IFT74: variants seen among roughly 807,000 people sequenced by gnomAD.
The protein encoded by IFT74 is intraflagellar transport 74, also known as intraflagellar transport protein 74 homolog.
In IFT74, 92 loss-of-function variants were observed where a neutral mutation model predicts 96.7. That is an observed-to-expected ratio of 0.95 (90% CI 0.80 to 1.13). The LOEUF is 1.13. Ranked by LOEUF, IFT74 falls within the 50% of genes most tolerant of loss-of-function variation. The pLI is 0.00. For synonymous variants in IFT74, 223 were observed against 213.2 expected, an observed-to-expected ratio of 1.05 and a Z score of -0.40; for missense variants, 811 against 698.2, an observed-to-expected ratio of 1.16 and a Z score of -1.82.
chr9:26,951,926 CTT>C (rs1825948420), upstream of IFT74, among the ~76,000 whole-genome samples: 1 of 152,130 alleles, frequency 6.6e-6, no homozygotes, highest in Non-Finnish European at 1.5e-5. Context: ...TGAACTTCAT[CTT>C]TAAGGATGGT....
intron 9 of IFT74, among the ~76,000 whole-genome samples, chr9:27,009,935 A>G (rs949671919): frequency 1.8e-4 from 28 of 151,808 alleles, no homozygotes; most frequent in Admixed American, 6.6e-5. Flanking sequence ...GATATTCATC[A>G]CCTCAAACAT....
intron 2 of IFT74, among the ~76,000 whole-genome samples, chr9:26,973,404 AATGGGGTATTGCTTTCT>A (rs908581021): frequency 6.6e-6 from 1 of 152,126 alleles, no homozygotes; most frequent in African/African-American, 2.4e-5. Context: ...CTTCGAAGGG[AATGGGGTATTGCTTTCT>A]CCTTACTATG....
chr9:26,979,938 C>T (rs1205441810), intron 3 of IFT74, among the ~76,000 whole-genome samples: 1 of 151,984 alleles, frequency 6.6e-6, no homozygotes, highest in African/African-American at 2.4e-5. Flanking sequence ...TGGTCTTGAA[C>T]TTCTGACCTC....
intron 2 of IFT74, among the ~76,000 whole-genome samples, chr9:26,975,180 A>T (rs899945481): frequency 2.6e-5 from 4 of 152,118 alleles, no homozygotes; most frequent in African/African-American, 9.7e-5. Context: ...GAGCAGAGGA[A>T]GATGATCCAG....
At chr9:27,008,361 G>T (rs1404378105) in intron 8 of IFT74, among the ~76,000 whole-genome samples, 1 of 151,348 alleles carries the variant, frequency 6.6e-6, no homozygotes, top group African/African-American at 2.4e-5. Flanking sequence ...AAACTTATTT[G>T]TCTTTTTTTT....
chr9:27,007,256 C>T (rs1204233329), intron 8 of IFT74, among the ~76,000 whole-genome samples: 1 of 152,096 alleles, frequency 6.6e-6, no homozygotes, highest in Non-Finnish European at 1.5e-5. Context: ...TTTAGAAAGT[C>T]AGTTACTTTT....
At position 27,060,913 on chromosome 9, in the gene IFT74, G is replaced by C. The variant is rs907879078; in HGVS notation, c.1684+262G>C. On this transcript the variant is annotated intron_variant, in intron 19 of 19. Transcript: ENST00000380062. ...GGAGGTGGAGCTCTCAGTGAGCCGA[G>C]ATGGCACCACTGCACTCCAGCCTGG... 35 of 163,384 alleles carry C rather than the reference G, an allele frequency of 2.1e-4. No individual in the cohort carries two copies. The Admixed American group carries it at 3.0e-3, about 14-fold the overall frequency. The allele number at this position is 163,384 out of a possible 1,614,324, so 10.1% of individuals were successfully genotyped here.
intron 1 of IFT74, among the ~76,000 whole-genome samples, chr9:26,957,658 A>G (rs1482162572): frequency 1.3e-5 from 2 of 152,222 alleles, no homozygotes; most frequent in East Asian, 3.9e-4. Context: ...AGTTGGAGTT[A>G]TAAAGATGCA....
At chr9:26,951,554 G>A (rs994686661), upstream of IFT74, among the ~76,000 whole-genome samples, 1 of 152,130 alleles carries the variant, frequency 6.6e-6, no homozygotes, top group East Asian at 1.9e-4. Flanking sequence ...TCCCCCATAA[G>A]GGGAATGTTG....
rs889641926 is a variant in IFT74 at position 27,063,663 on chromosome 9, C to T, written c.*927C>T. Among the ~76,000 whole-genome samples the T allele has an allele frequency of 6.6e-6, 1 of 152,192 alleles. No homozygotes were observed. ...CTCTGATATCATGTTCACTAAGTAA[C>T]TCTACTTTTCAGTATTTCTGAAACA... is the stretch of plus-strand genomic sequence containing the variant. On this transcript the variant is annotated 3_prime_UTR_variant, in exon 20 of 20. Coordinates refer to ENST00000380062, the MANE Select transcript of IFT74 (RefSeq NM_025103.4).
At chr9:26,990,554 T>C (rs574832597) in intron 8 of IFT74, among the ~76,000 whole-genome samples, 17 of 152,322 alleles carry the variant, frequency 1.1e-4, no homozygotes, top group African/African-American at 3.8e-4. Flanking sequence ...AAAGACACAT[T>C]ATTCATTAGG....
chr9:26,970,054 G>T (rs552644588), intron 2 of IFT74, among the ~76,000 whole-genome samples: 1 of 151,508 alleles, frequency 6.6e-6, no homozygotes, highest in South Asian at 2.1e-4. Flanking sequence ...CCACTGAAAG[G>T]TCTGCTTTTA....
chr9:27,025,073 G>GT (rs1829796993), intron 12 of IFT74, among the ~76,000 whole-genome samples: 2 of 152,076 alleles, frequency 1.3e-5, no homozygotes, highest in African/African-American at 4.8e-5. Context: ...AGACAAACCT[G>GT]TAAGTTTGGA....
intron 2 of IFT74, among the ~76,000 whole-genome samples, chr9:26,976,044 A>G (rs867633949): frequency 2.9e-4 from 44 of 152,164 alleles, no homozygotes; most frequent in African/African-American, 9.2e-4. Flanking sequence ...TTGTTCTTGT[A>G]CCGTTTTTCA....
At chr9:27,007,198 A>G (rs1828839556) in intron 8 of IFT74, among the ~76,000 whole-genome samples, 2 of 152,284 alleles carry the variant, frequency 1.3e-5, no homozygotes, top group South Asian at 2.1e-4. Flanking sequence ...AACAGGAGCA[A>G]AGTACTCAAA....
chr9:26,994,151 T>G (rs1271419840), intron 8 of IFT74: 4 of 152,174 alleles, frequency 2.6e-5, no homozygotes, highest in Non-Finnish European at 5.9e-5. Flanking sequence ...AAGAATGGGT[T>G]TTGTTGTCAA....
chr9:26,961,248 G>A (rs557110720), intron 1 of IFT74, among the ~76,000 whole-genome samples: 9 of 150,716 alleles, frequency 6.0e-5, no homozygotes, highest in Non-Finnish European at 1.2e-4. Flanking sequence ...CCGCCACCAC[G>A]CCCAGCTAAT....
At chr9:26,947,210 C>G (rs1218791182) in intron 1 of IFT74, 6 of 767,872 alleles carry the variant, frequency 7.8e-6, no homozygotes, top group Admixed American at 3.5e-5. Context: ...TGGGAAGGGG[C>G]GCGCCGAGCG....
intron 2 of IFT74, among the ~76,000 whole-genome samples, chr9:26,972,702 T>G (rs1196367584): frequency 6.6e-6 from 1 of 151,918 alleles, no homozygotes; most frequent in East Asian, 1.9e-4. Flanking sequence ...ATCCTAAAAA[T>G]TTTTTTGGTT....
Sources: gnomAD v4.1 joint callset for allele counts (sites outside exome capture counted in the v4.1 genomes callset) on GRCh38, gnomAD v4.1.1 for gene constraint, MANE v1.5 for transcripts, NCBI Gene and HGNC (gene_info 2026-07-23, HGNC 2026-07-21) for gene names.